PCNX2: variants seen among roughly 807,000 people sequenced by gnomAD.
PCNX2 encodes pecanex 2, also known as pecanex-like protein 2.
Under a neutral mutation model 223.8 loss-of-function variants are expected in PCNX2, and 168 were observed. That is an observed-to-expected ratio of 0.75 (90% CI 0.66 to 0.85). The LOEUF (loss-of-function observed/expected upper bound fraction) is 0.85. PCNX2 is among the 40% of genes least tolerant of loss of function. The pLI is 0.00. For synonymous variants in PCNX2, 1,006 were observed against 1,052.6 expected (o/e 0.96, Z 0.86); for missense variants, 2,507 against 2,675.5 (o/e 0.94, Z 1.39).
intron 17 of PCNX2, among the ~76,000 whole-genome samples, chr1:233,173,226 C>A (rs1679265956): frequency 6.6e-6 from 1 of 151,354 alleles, no homozygotes. Flanking sequence ...GGCTGGAATG[C>A]AGTGGCGCGA....
chr1:233,032,042 T>A, intron 25 of PCNX2: 1 of 981,816 alleles, frequency 1.0e-6, no homozygotes, highest in Non-Finnish European at 1.2e-6. Context: ...ACATTAATAA[T>A]ATAATTTAGG....
intron 26 of PCNX2, among the ~76,000 whole-genome samples, chr1:233,022,948 C>T (rs928228202): frequency 1.6e-4 from 24 of 152,128 alleles, no homozygotes; most frequent in African/African-American, 1.7e-4. Context: ...CTGCCTGCCT[C>T]GGTCTCCCAA....
chr1:233,286,057 CA>C (rs1295007015), intron 1 of PCNX2, among the ~76,000 whole-genome samples: 1 of 151,700 alleles, frequency 6.6e-6, no homozygotes, highest in African/African-American at 2.4e-5. Context: ...ATTTCTGGGA[CA>C]AAAAAACATT....
chr1:233,241,337 T>C (rs1658752173), intron 8 of PCNX2: 3 of 985,322 alleles, frequency 3.0e-6, no homozygotes, highest in South Asian at 9.4e-5. Flanking sequence ...ATTCTCAGGC[T>C]TTCAGAGAAA....
intron 28 of PCNX2, among the ~76,000 whole-genome samples, chr1:233,006,729 T>A (rs1418647172): frequency 6.6e-6 from 1 of 152,226 alleles, no homozygotes; most frequent in African/African-American, 2.4e-5. Context: ...CAAACAGGCC[T>A]GTACATACTA....
At chr1:232,989,230 A>G (rs2357426) in intron 32 of PCNX2, among the ~76,000 whole-genome samples, 101,527 of 151,352 alleles carry the variant, frequency 0.67, 35,920 homozygotes, top group African/African-American at 0.92. Context: ...CGAGGCAGGC[A>G]GATCACGAGG....
the PCNX2 span, among the ~76,000 whole-genome samples, chr1:233,319,081 C>T: frequency 6.6e-6 from 1 of 152,182 alleles, no homozygotes; most frequent in East Asian, 1.9e-4. Context: ...ACTCCATCCA[C>T]TCCACAAAGC....
At chr1:233,272,963 A>T (rs963882156) in intron 1 of PCNX2, among the ~76,000 whole-genome samples, 4 of 152,120 alleles carry the variant, frequency 2.6e-5, no homozygotes, top group Non-Finnish European at 5.9e-5. Context: ...CAAAGGCATA[A>T]GAATGATACA....
In PCNX2 at chr1:233,058,701, C is replaced by T. The variant is rs1672287517; in HGVS notation, c.4077-1411G>A. On this transcript the variant is annotated intron_variant, in intron 23 of 33. Transcript: ENST00000258229. ...TTTTTTTTTGAGATGGAGTCTCGCT[C>T]TGTCACCAGGATGGAGTGCAGCAGT... is the stretch of plus-strand genomic sequence containing the variant. Among the ~76,000 whole-genome samples, 4 of 138,784 alleles carry T rather than the reference C, an allele frequency of 2.9e-5. No homozygotes were observed. In the South Asian group the frequency reaches 9.0e-4, roughly 31 times the overall value. The allele number at this position is 138,784 out of a possible 152,430, so 91.0% of individuals were successfully genotyped here.
At chr1:233,273,374 G>A (rs370090217) in intron 1 of PCNX2, among the ~76,000 whole-genome samples, 1 of 151,954 alleles carries the variant, frequency 6.6e-6, no homozygotes, top group East Asian at 1.9e-4. Flanking sequence ...GGTCCTTAGA[G>A]GCTGGGCTAG....
intron 26 of PCNX2, 47 bp downstream of exon 26, chr1:233,025,099 G>A: frequency 6.2e-7 from 1 of 1,602,666 alleles, no homozygotes; most frequent in South Asian, 1.1e-5. Flanking sequence ...AGCTTCCTGT[G>A]CCATCCTAGC....
At chr1:233,037,151 G>A (rs1671481790) in intron 25 of PCNX2, among the ~76,000 whole-genome samples, 1 of 152,152 alleles carries the variant, frequency 6.6e-6, no homozygotes, top group South Asian at 2.1e-4. Context: ...TAAAGACAGG[G>A]AAACAGAGTG....
chr1:233,034,695 G>A (rs1181612541), intron 25 of PCNX2, among the ~76,000 whole-genome samples: 1 of 152,196 alleles, frequency 6.6e-6, no homozygotes. Context: ...AAGAATGGTT[G>A]CCTGAACAGA....
At chr1:233,102,365 T>C (rs1442116338) in intron 21 of PCNX2, among the ~76,000 whole-genome samples, 2 of 152,180 alleles carry the variant, frequency 1.3e-5, no homozygotes, top group East Asian at 1.9e-4. Context: ...CTTTTTAATA[T>C]GGCGATTTCT....
chr1:233,015,843 C>G (rs922390911), intron 27 of PCNX2, among the ~76,000 whole-genome samples: 2 of 151,716 alleles, frequency 1.3e-5, no homozygotes, highest in African/African-American at 4.8e-5. Flanking sequence ...TGCTGCACTC[C>G]AGCCTAAGGA....
Position 233,247,709 on chromosome 1 carries a change from C to T in PCNX2, c.2222+3030G>A, listed in dbSNP as rs147665873. ...CCTGGCCAACATGGTGAAACCCTGT[C>T]TCTACTAAAAATACAAAAATTAGCC... On this transcript the variant is annotated intron_variant, in intron 8 of 33. Coordinates refer to ENST00000258229, the MANE Select transcript of PCNX2 (RefSeq NM_014801.4). Among the ~76,000 whole-genome samples the T allele has an allele frequency of 3.1e-3, 469 of 152,112 alleles. 2 individuals are homozygous for T. Among genetic ancestry groups the T allele is most frequent in the African/African-American group, 0.011 (454 of 41,524 alleles).
intron 23 of PCNX2, among the ~76,000 whole-genome samples, chr1:233,084,838 G>T (rs546734086): frequency 2.6e-5 from 4 of 152,120 alleles, no homozygotes; most frequent in African/African-American, 9.7e-5. Flanking sequence ...TAAACACAAA[G>T]CACTATTATA....
At chr1:233,192,354 A>ATT (rs1003887704) in intron 15 of PCNX2, among the ~76,000 whole-genome samples, 3 of 152,196 alleles carry the variant, frequency 2.0e-5, no homozygotes, top group African/African-American at 7.2e-5. Context: ...GGATCTTCAC[A>ATT]TTGTTTAAGA....
intron 6 of PCNX2, 21 bp from the exon 7 acceptor site, chr1:233,252,520 CA>C (rs139759246): frequency 1.2e-4 from 193 of 1,579,544 alleles, no homozygotes; most frequent in Admixed American, 1.8e-4. Context: ...ATAAAAGTTT[CA>C]AAAAAAATGA....
Sources: gnomAD v4.1 joint callset for allele counts (sites outside exome capture counted in the v4.1 genomes callset) on GRCh38, gnomAD v4.1.1 for gene constraint, MANE v1.5 for transcripts, NCBI Gene and HGNC (gene_info 2026-07-23, HGNC 2026-07-21) for gene names.